The following PPP1R37 variants were observed in gnomAD, a reference collection of about 807,000 sequenced individuals.
The protein encoded by PPP1R37 is protein phosphatase 1 regulatory subunit 37.
Under a neutral mutation model 61.0 loss-of-function variants are expected in PPP1R37, and 21 were observed. That is an observed-to-expected ratio of 0.34 (90% CI 0.24 to 0.50). The LOEUF is 0.50. PPP1R37 is among the 20% of genes least tolerant of loss of function. The pLI is 0.98. For missense variants in PPP1R37, 910 were observed against 952.7 expected (o/e 0.96, Z 0.59); for synonymous variants, 443 against 433.5 (o/e 1.02, Z -0.27).
intron 1 of PPP1R37, among the ~76,000 whole-genome samples, chr19:45,138,007 C>A (rs1189015367): frequency 6.6e-6 from 1 of 152,076 alleles, no homozygotes; most frequent in African/African-American, 2.4e-5. Context: ...CGTGACAGTG[C>A]AAGCGTTTGG....
chr19:45,101,803 G>T (rs964318698), intron 1 of PPP1R37, among the ~76,000 whole-genome samples: 1 of 152,190 alleles, frequency 6.6e-6, no homozygotes, highest in Non-Finnish European at 1.5e-5. Flanking sequence ...AGACAGGGAG[G>T]CCAGGGAGGG....
At chr19:45,104,389 C>T (rs1042389515) in intron 1 of PPP1R37, among the ~76,000 whole-genome samples, 20 of 152,142 alleles carry the variant, frequency 1.3e-4, no homozygotes, top group African/African-American at 4.3e-4. Context: ...GCACCCAGGC[C>T]GGGTGCCGCA....
chr19:45,120,084 C>A (rs1346042359), intron 1 of PPP1R37, among the ~76,000 whole-genome samples: 1 of 135,310 alleles, frequency 7.4e-6, no homozygotes, highest in Non-Finnish European at 1.5e-5. Flanking sequence ...GTGGCGCGAT[C>A]TCCGCTCACT....
intron 1 of PPP1R37, among the ~76,000 whole-genome samples, chr19:45,111,551 C>T (rs1461034492): frequency 1.3e-5 from 2 of 152,234 alleles, no homozygotes; most frequent in Non-Finnish European, 2.9e-5. Context: ...ACTGGGATTA[C>T]AGGCATGGGC....
At chr19:45,111,347 T>C (rs2052086740) in intron 1 of PPP1R37, among the ~76,000 whole-genome samples, 1 of 152,060 alleles carries the variant, frequency 6.6e-6, no homozygotes, top group African/African-American at 2.4e-5. Flanking sequence ...CAATCTCGGC[T>C]CACCACAACT....
At chr19:45,117,985 G>C (rs768508456) in intron 1 of PPP1R37, among the ~76,000 whole-genome samples, 1 of 152,226 alleles carries the variant, frequency 6.6e-6, no homozygotes, top group African/African-American at 2.4e-5. Context: ...GAGGCTGTTG[G>C]GGGTGGAGGT....
intron 1 of PPP1R37, among the ~76,000 whole-genome samples, chr19:45,116,343 G>C (rs1337357533): frequency 1.3e-4 from 20 of 152,240 alleles, no homozygotes; most frequent in Non-Finnish European, 4.4e-5. Flanking sequence ...ATCCCTGCCT[G>C]AGGCCTGGGG....
intron 1 of PPP1R37, among the ~76,000 whole-genome samples, chr19:45,102,234 T>G (rs553868783): frequency 5.6e-4 from 85 of 152,350 alleles, no homozygotes; most frequent in African/African-American, 1.9e-3. Flanking sequence ...CTGATCAGTC[T>G]TATAAAATCC....
rs1229816074 is a variant in PPP1R37, at chr19:45,146,827, A to C, written c.*265A>C. ...TGGGAGGAGGGGGAGCAGGAGGAGG[A>C]GGAGGTCTCCAAGGACATCAGGCGC... On this transcript the variant is annotated 3_prime_UTR_variant, in exon 13 of 13. Transcript: ENST00000221462. The C allele has an allele frequency of 4.6e-6, 1 of 218,056 alleles. No individual in the cohort carries two copies. The highest frequency in any genetic ancestry group is 9.4e-6 in the Non-Finnish European group (1 of 106,680). 13.5% of individuals were successfully genotyped at this position (218,056 alleles called of 1,614,324 possible).
At position 45,122,433 on chromosome 19, in the gene PPP1R37, G is replaced by T. The variant is rs775472628; in HGVS notation, c.203-16081G>T. ...CATATTTATTGAGCACTTACTGTGT[G>T]CCCAGTAAAGACCCTTCTGGGGATA... On this transcript the variant is annotated intron_variant, in intron 1 of 12. Coordinates refer to ENST00000221462, the MANE Select transcript of PPP1R37 (RefSeq NM_019121.2). Among the ~76,000 whole-genome samples the T allele has an allele frequency of 7.6e-4, 115 of 152,170 alleles. 1 individual carries two copies. Among genetic ancestry groups the T allele is most frequent in the Non-Finnish European group, 1.4e-3 (96 of 68,040 alleles).
Position 45,146,425 on chromosome 19 carries a change from G to A in PPP1R37, c.2029G>A (p.Glu677Lys). The change falls in exon 12 of 13, where the codon GAG becomes AAG. Residue 677 changes from glutamate (E) to lysine (K), a missense_variant. By Grantham distance (56) the Glu-to-Lys change is moderately conservative. Coordinates refer to ENST00000221462, the MANE Select transcript of PPP1R37 (RefSeq NM_019121.2). The stretch of plus-strand genomic sequence containing the variant: ...CTCCAAGAACGAGAAGGAGCTCGAG[G>A]AGCTGCTTCTGGAAGCCAGTCAGGA... ...SCSKNEKELE[E>K]LLLEASQESG... The A allele has an allele frequency of 6.5e-7, 1 of 1,535,936 alleles. No individual in the cohort carries two copies. Among genetic ancestry groups the A allele is most frequent in the South Asian group, 1.2e-5 (1 of 84,034 alleles).
chr19:45,132,372 C>T (rs528214355), intron 1 of PPP1R37, among the ~76,000 whole-genome samples: 17 of 152,054 alleles, frequency 1.1e-4, no homozygotes, highest in African/African-American at 4.1e-4. Flanking sequence ...GCGACACAAT[C>T]ACAGCTCACT....
intron 1 of PPP1R37, among the ~76,000 whole-genome samples, chr19:45,100,604 C>T (rs1323728215): frequency 6.6e-6 from 1 of 152,220 alleles, no homozygotes; most frequent in Non-Finnish European, 1.5e-5. Flanking sequence ...GCCAGCCTGG[C>T]GCCGAAGCCT....
chr19:45,129,445 C>T (rs1408089998), intron 1 of PPP1R37, among the ~76,000 whole-genome samples: 1 of 152,116 alleles, frequency 6.6e-6, no homozygotes, highest in Non-Finnish European at 1.5e-5. Flanking sequence ...ATTACAGGCA[C>T]GTGCCACCAT....
chr19:45,098,179 C>T (rs1968017732), intron 1 of PPP1R37, among the ~76,000 whole-genome samples: 1 of 152,092 alleles, frequency 6.6e-6, no homozygotes, highest in Non-Finnish European at 1.5e-5. Flanking sequence ...AAAGAGGCCG[C>T]TTCAGCACTG....
At chr19:45,103,110 C>G (rs1045239199) in intron 1 of PPP1R37, among the ~76,000 whole-genome samples, 1 of 152,226 alleles carries the variant, frequency 6.6e-6, no homozygotes, top group Non-Finnish European at 1.5e-5. Context: ...TCCCCAGCAC[C>G]CTCCATGGTG....
chr19:45,096,330 T>G (rs1388445258), intron 1 of PPP1R37, among the ~76,000 whole-genome samples: 2 of 152,222 alleles, frequency 1.3e-5, no homozygotes, highest in East Asian at 3.9e-4. Context: ...TGGCACAGAT[T>G]GGGCTTTGGG....
Position 45,145,880 on chromosome 19 carries a change from G to A in PPP1R37, c.1824G>A (p.Gly608=). 2.2e-6 allele frequency: 3 copies of A among 1,357,796 alleles called. No individual in the cohort carries two copies. Among genetic ancestry groups the A allele is most frequent in the Non-Finnish European group, 2.9e-6 (3 of 1,036,016 alleles). The allele number at this position is 1,357,796 out of a possible 1,614,324, so 84.1% of individuals were successfully genotyped here. ...PPASPSLPPA[G]AIDTRDTGSS... ...CCTCACCTTCCCTACCACCAGCCGGGGCCATTGACACCCGGGACACAGGGT... is the reference window on the plus strand; with the variant it reads ...CCTCACCTTCCCTACCACCAGCCGGAGCCATTGACACCCGGGACACAGGGT... The change falls in exon 11 of 13, where the codon GGG becomes GGA. Residue 608 remains glycine, a synonymous_variant. Coordinates refer to ENST00000221462, the MANE Select transcript of PPP1R37 (RefSeq NM_019121.2).
At chr19:45,135,146 G>T (rs906284746) in intron 1 of PPP1R37, among the ~76,000 whole-genome samples, 1 of 152,168 alleles carries the variant, frequency 6.6e-6, no homozygotes, top group Admixed American at 6.5e-5. Flanking sequence ...AACTCGGGAG[G>T]CTGAGGCAGG....
Sources: gnomAD v4.1 joint callset for allele counts (sites outside exome capture counted in the v4.1 genomes callset) on GRCh38, gnomAD v4.1.1 for gene constraint, MANE v1.5 for transcripts, NCBI Gene and HGNC (gene_info 2026-07-23, HGNC 2026-07-21) for gene names.